The following SLFN12L variants were observed in gnomAD, a reference collection of about 807,000 sequenced individuals.
SLFN12L encodes the protein schlafen family member 12-like.
SLFN12L carries 34 observed loss-of-function variants against 34.8 expected under a neutral mutation model. That is an observed-to-expected ratio of 0.98 (90% CI 0.74 to 1.30). The LOEUF is 1.30. Among genes scored for constraint, SLFN12L ranks in the 50% most tolerant of loss-of-function variants. SLFN12L has a pLI of 0.00. For missense variants in SLFN12L, 703 were observed against 696.2 expected, an observed-to-expected ratio of 1.01 and a Z score of -0.11; for synonymous variants, 259 against 247.5, an observed-to-expected ratio of 1.05 and a Z score of -0.44.
At chr17:35,531,375 T>C (rs983230324) in intron 1 of SLFN12L, among the ~76,000 whole-genome samples, 3 of 152,328 alleles carry the variant, frequency 2.0e-5, no homozygotes, top group South Asian at 2.1e-4. Flanking sequence ...AGATCTTTCA[T>C]GATCTTACTC....
intron 2 of SLFN12L, among the ~76,000 whole-genome samples, chr17:35,513,214 G>A (rs970463738): frequency 6.6e-6 from 1 of 152,094 alleles, no homozygotes; most frequent in African/African-American, 2.4e-5. Flanking sequence ...AAACCCACAA[G>A]GTATCTGAGA....
chr17:35,476,509 GGAAGGAAGGAAA>G (rs1455804356), intron 4 of SLFN12L, among the ~76,000 whole-genome samples: 38 of 133,864 alleles, frequency 2.8e-4, no homozygotes, highest in Non-Finnish European at 3.8e-4. Context: ...AAGGAAGGAA[GGAAGGAAGGAAA>G]GAAGGAAGGA....
In SLFN12L at chr17:35,474,540, T is replaced by G. The variant is rs62078149; in HGVS notation, c.*383A>C. 262 of 162,024 alleles carry G rather than the reference T, an allele frequency of 1.6e-3. No homozygotes were observed. The highest frequency in any genetic ancestry group is 3.0e-3 in the Non-Finnish European group (220 of 73,702). 10.0% of individuals were successfully genotyped at this position (162,024 alleles called of 1,614,324 possible). On this transcript the variant is annotated 3_prime_UTR_variant, in exon 5 of 5. Transcript: ENST00000628453. ...CCCAGTCCATCTTCCATGATTCAAG[T>G]GAGCCTTGGACAAGATTTAAACATC... is the stretch of plus-strand genomic sequence containing the variant.
At chr17:35,502,620 A>T (rs997021179) in intron 2 of SLFN12L, among the ~76,000 whole-genome samples, 3 of 151,978 alleles carry the variant, frequency 2.0e-5, no homozygotes, top group Admixed American at 2.0e-4. Flanking sequence ...AGCCATCTAT[A>T]CCAATTCTAA....
chr17:35,490,249 T>A, intron 2 of SLFN12L: 2 of 1,539,300 alleles, frequency 1.3e-6, no homozygotes, highest in South Asian at 2.2e-5. Flanking sequence ...AAAGCGGTCA[T>A]CAGTACCTCT....
chr17:35,508,231 A>G (rs1198841300), intron 2 of SLFN12L, among the ~76,000 whole-genome samples: 2 of 152,220 alleles, frequency 1.3e-5, no homozygotes, highest in Non-Finnish European at 2.9e-5. Flanking sequence ...GTAAGCCCTT[A>G]AAAGGGACAG....
chr17:35,492,835 G>T (rs909312812), intron 2 of SLFN12L, among the ~76,000 whole-genome samples: 12 of 152,110 alleles, frequency 7.9e-5, no homozygotes, highest in African/African-American at 2.9e-4. Context: ...GAATGAGGGG[G>T]TCAGATAAAG....
intron 2 of SLFN12L, among the ~76,000 whole-genome samples, chr17:35,501,185 G>T (rs1264808498): frequency 6.6e-6 from 1 of 152,242 alleles, no homozygotes; most frequent in Non-Finnish European, 1.5e-5. Flanking sequence ...CAGCCAGCTT[G>T]AGCAACATGG....
chr17:35,535,240 G>A (rs919219329), intron 1 of SLFN12L, among the ~76,000 whole-genome samples: 22 of 149,956 alleles, frequency 1.5e-4, no homozygotes, highest in Admixed American at 4.7e-4. Flanking sequence ...GCCCAGGCTG[G>A]AGTGCAATGG....
At chr17:35,519,735 A>G (rs186308419) in intron 2 of SLFN12L, among the ~76,000 whole-genome samples, 5 of 152,300 alleles carry the variant, frequency 3.3e-5, no homozygotes, top group Non-Finnish European at 2.9e-5. Flanking sequence ...TGTCGATCGC[A>G]TACACCCCTG....
At chr17:35,520,526 C>T (rs562389373) in intron 2 of SLFN12L, among the ~76,000 whole-genome samples, 1 of 152,320 alleles carries the variant, frequency 6.6e-6, no homozygotes, top group African/African-American at 2.4e-5. Flanking sequence ...GGATGGATCA[C>T]CTGAGGTCAG....
At chr17:35,482,599 C>T (rs1914389838) in intron 2 of SLFN12L, among the ~76,000 whole-genome samples, 1 of 152,228 alleles carries the variant, frequency 6.6e-6, no homozygotes, top group Non-Finnish European at 1.5e-5. Flanking sequence ...CATCTCTGCA[C>T]TCTTGGGGCC....
At chr17:35,496,212 G>A (rs998233516) in intron 2 of SLFN12L, among the ~76,000 whole-genome samples, 1 of 151,998 alleles carries the variant, frequency 6.6e-6, no homozygotes, top group Non-Finnish European at 1.5e-5. Context: ...GTCCAGGCAC[G>A]GTGGCTCACG....
intron 2 of SLFN12L, among the ~76,000 whole-genome samples, chr17:35,488,983 T>C (rs1914724295): frequency 6.6e-6 from 1 of 150,562 alleles, no homozygotes; most frequent in African/African-American, 2.4e-5. Context: ...GGCAATAGAG[T>C]CTCTTGAACC....
chr17:35,515,278 C>T (rs1291752785), intron 2 of SLFN12L: 3 of 397,722 alleles, frequency 7.5e-6, no homozygotes, highest in Non-Finnish European at 1.4e-5. Context: ...CCGCTCAGAC[C>T]CGACGCCGGC....
At chr17:35,514,125 T>A (rs1377380550) in intron 2 of SLFN12L, among the ~76,000 whole-genome samples, 1 of 152,232 alleles carries the variant, frequency 6.6e-6, no homozygotes, top group Non-Finnish European at 1.5e-5. Flanking sequence ...GATTGGGGTA[T>A]ACATAAATCT....
chr17:35,503,936 C>A (rs769607657), intron 2 of SLFN12L, among the ~76,000 whole-genome samples: 2 of 152,090 alleles, frequency 1.3e-5, no homozygotes, highest in Non-Finnish European at 2.9e-5. Context: ...AGCACCACCC[C>A]CTCCAGAGTT....
chr17:35,522,506 C>T lies in SLFN12L; in HGVS notation c.-142G>A, dbSNP rs1916028381. 1 of 1,612,848 alleles carries T rather than the reference C, an allele frequency of 6.2e-7. No homozygotes were observed. The highest frequency in any genetic ancestry group is 8.5e-7 in the Non-Finnish European group (1 of 1,179,440). On this transcript the variant is annotated 5_prime_UTR_variant, in exon 2 of 5. Transcript: ENST00000628453. ...AAACCTCATAGCTGCACAGGTCACT[C>T]AAGAGAGACCTGAAGCCGAGCAAGA...
rs1430707894 is a variant in SLFN12L at position 35,466,342 on chromosome 17, G to A, written c.*8581C>T. ...ACTCCCTTAATCCTTGGAAACCACC[G>A]ATCATTTTACTGTCTCCATAATCTT... On this transcript the variant is annotated 3_prime_UTR_variant, in exon 5 of 5. Coordinates refer to ENST00000628453, the MANE Select transcript of SLFN12L (RefSeq NM_001363830.2). 3.3e-5 allele frequency among the ~76,000 whole-genome samples: 5 copies of A among 152,056 alleles called. No individual in the cohort carries two copies. The highest frequency in any genetic ancestry group is 2.1e-4 in the South Asian group (1 of 4,824).
Sources: gnomAD v4.1 joint callset for allele counts (sites outside exome capture counted in the v4.1 genomes callset) on GRCh38, gnomAD v4.1.1 for gene constraint, MANE v1.5 for transcripts, NCBI Gene and HGNC (gene_info 2026-07-23, HGNC 2026-07-21) for gene names.